The following RNLS variants were observed in gnomAD, a reference collection of about 807,000 sequenced individuals.
RNLS encodes the protein renalase, FAD dependent amine oxidase, also known as renalase.
Under a neutral mutation model 39.8 loss-of-function variants are expected in RNLS, and 39 were observed. The observed-to-expected ratio is 0.98, with a 90% CI of 0.76 to 1.28. RNLS has a LOEUF of 1.28. RNLS is among the 50% of genes most tolerant of loss of function. The pLI is 0.00. For missense variants in RNLS, 410 were observed against 413.3 expected (o/e 0.99, Z 0.07); for synonymous variants, 147 against 150.7 (o/e 0.98, Z 0.18).
chr10:88,355,006 C>T (rs1011608598), intron 5 of RNLS, among the ~76,000 whole-genome samples: 2 of 152,166 alleles, frequency 1.3e-5, no homozygotes, highest in African/African-American at 4.8e-5. Flanking sequence ...TTGATTGAAT[C>T]GGCTACTGAA....
chr10:88,541,285 A>G (rs1297312011), intron 4 of RNLS, among the ~76,000 whole-genome samples: 1 of 152,206 alleles, frequency 6.6e-6, no homozygotes, highest in African/African-American at 2.4e-5. Flanking sequence ...AAGGAACGAC[A>G]TATCTGTGTA....
chr10:88,532,707 T>A (rs1847502691), intron 4 of RNLS, among the ~76,000 whole-genome samples: 1 of 151,978 alleles, frequency 6.6e-6, no homozygotes, highest in South Asian at 2.1e-4. Flanking sequence ...TCACAGAGAG[T>A]TCTGCAGATT....
intron 4 of RNLS, among the ~76,000 whole-genome samples, chr10:88,413,038 TAAA>T (rs1441066650): frequency 1.3e-5 from 2 of 152,186 alleles, no homozygotes; most frequent in Non-Finnish European, 2.9e-5. Context: ...TATGCTCCCT[TAAA>T]AGTGGGAGAG....
chr10:88,180,706 C>T, the RNLS span, among the ~76,000 whole-genome samples: 1 of 152,206 alleles, frequency 6.6e-6, no homozygotes, highest in Non-Finnish European at 1.5e-5. Context: ...TTGGGGTATA[C>T]CTTTTTACCT....
intron 5 of RNLS, among the ~76,000 whole-genome samples, chr10:88,327,462 C>T (rs972533607): frequency 7.9e-5 from 12 of 152,196 alleles, no homozygotes; most frequent in Non-Finnish European, 2.9e-5. Flanking sequence ...TCTTCTCTCT[C>T]CTGCTGCCAC....
intron 4 of RNLS, among the ~76,000 whole-genome samples, chr10:88,530,791 C>T (rs933911117): frequency 5.9e-5 from 9 of 151,944 alleles, no homozygotes; most frequent in Non-Finnish European, 1.0e-4. Context: ...ATTTTTCTCA[C>T]AAAATATGGC....
At chr10:88,367,466 C>T (rs1321217321) in intron 4 of RNLS, among the ~76,000 whole-genome samples, 1 of 152,124 alleles carries the variant, frequency 6.6e-6, no homozygotes, top group Non-Finnish European at 1.5e-5. Context: ...TTATCCATTC[C>T]ACTGTTGATG....
chr10:88,455,614 G>A (rs1842584385), intron 4 of RNLS, among the ~76,000 whole-genome samples: 2 of 152,084 alleles, frequency 1.3e-5, no homozygotes, highest in South Asian at 4.1e-4. Flanking sequence ...CACCGTGTTA[G>A]CCAGGATGGT....
In RNLS at chr10:88,448,089, T is replaced by C. The variant is rs143734711; in HGVS notation, c.527-85364A>G. On this transcript the variant is annotated intron_variant, in intron 4 of 6. Transcript: ENST00000331772. Reference sequence around the variant, plus strand: ...AGCCTAGGCAATACCATTGAGGACATAGGCATGGGCAAGGACTTCATGTTT... The same window carrying C: ...AGCCTAGGCAATACCATTGAGGACACAGGCATGGGCAAGGACTTCATGTTT... Among the ~76,000 whole-genome samples the C allele has an allele frequency of 7.5e-4, 114 of 152,246 alleles. 1 individual carries two copies. The highest frequency in any genetic ancestry group is 7.1e-3 in the South Asian group (34 of 4,822).
chr10:88,226,915 AT>A, the RNLS span, among the ~76,000 whole-genome samples: 1 of 152,130 alleles, frequency 6.6e-6, no homozygotes, highest in African/African-American at 2.4e-5. Context: ...TACTTTAAAA[AT>A]CTGTCTGTTC....
intron 4 of RNLS, among the ~76,000 whole-genome samples, chr10:88,488,274 T>C (rs1469657230): frequency 1.3e-5 from 2 of 152,060 alleles, no homozygotes; most frequent in Admixed American, 6.6e-5. Context: ...AGGCTGGGCA[T>C]GGTGGCTTAC....
At chr10:88,440,730 A>G (rs1036561529) in intron 4 of RNLS, among the ~76,000 whole-genome samples, 3 of 152,236 alleles carry the variant, frequency 2.0e-5, no homozygotes, top group Non-Finnish European at 4.4e-5. Context: ...ACTAGGCAAT[A>G]AAAATCTTTC....
the RNLS span, among the ~76,000 whole-genome samples, chr10:88,235,288 A>G: frequency 1.1e-3 from 165 of 150,288 alleles, 1 homozygote; most frequent in African/African-American, 3.7e-3. Context: ...AAAAAAAAAA[A>G]AAAGAAAGAA....
chr10:88,535,430 A>G (rs1327524010), intron 4 of RNLS, among the ~76,000 whole-genome samples: 1 of 148,554 alleles, frequency 6.7e-6, no homozygotes, highest in Non-Finnish European at 1.5e-5. Flanking sequence ...AAAGCCAGGT[A>G]GTGGGGGAGG....
At chr10:88,566,064 TAA>T (rs1174389241) in intron 4 of RNLS, among the ~76,000 whole-genome samples, 50 of 152,098 alleles carry the variant, frequency 3.3e-4, no homozygotes, top group Non-Finnish European at 2.1e-4. Flanking sequence ...TTTTTTATAA[TAA>T]GAGTAAACTA....
intron 6 of RNLS, among the ~76,000 whole-genome samples, chr10:88,302,563 T>G (rs1214849889): frequency 6.6e-6 from 1 of 152,220 alleles, no homozygotes; most frequent in Non-Finnish European, 1.5e-5. Context: ...TTGTTAAGAC[T>G]GACCATCCAT....
intron 4 of RNLS, among the ~76,000 whole-genome samples, chr10:88,416,339 T>C (rs188605619): frequency 6.6e-6 from 1 of 152,048 alleles, no homozygotes; most frequent in East Asian, 1.9e-4. Flanking sequence ...CCGCAACCTC[T>C]GCCTCCTGGG....
At chr10:88,185,366 T>G in the RNLS span, among the ~76,000 whole-genome samples, 1 of 152,202 alleles carries the variant, frequency 6.6e-6, no homozygotes, top group Non-Finnish European at 1.5e-5. Context: ...TGGACTAGCT[T>G]TGGTCTCATT....
At chr10:88,380,363 C>CTTTTTTT (rs10565402) in intron 4 of RNLS, among the ~76,000 whole-genome samples, 1 of 73,110 alleles carries the variant, frequency 1.4e-5, no homozygotes, top group Non-Finnish European at 2.6e-5. Flanking sequence ...GGTTTTGTAT[C>CTTTTTTT]TTTTTTTTTT....
Sources: allele counts gnomAD v4.1 joint callset (sites outside exome capture counted in the v4.1 genomes callset), GRCh38; gene constraint gnomAD v4.1.1; transcripts MANE v1.5; gene names NCBI Gene and HGNC (gene_info 2026-07-23, HGNC 2026-07-21).